The following RABEP1 variants were observed in gnomAD, a reference collection of about 807,000 sequenced individuals.
The protein encoded by RABEP1 is rabaptin, RAB GTPase binding effector protein 1, also known as rab GTPase-binding effector protein 1.
Under a neutral mutation model 123.4 loss-of-function variants are expected in RABEP1, and 51 were observed. That is an observed-to-expected ratio of 0.41 (90% confidence interval 0.33 to 0.52). The LOEUF (loss-of-function observed/expected upper bound fraction) is 0.52, where lower values mean the gene tolerates loss of function less well. Ranked by LOEUF, RABEP1 falls within the 20% of genes least tolerant of loss-of-function variation. The pLI is 0.16. For missense variants in RABEP1, 888 were observed against 996.3 expected (o/e 0.89, Z 1.46); for synonymous variants, 347 against 355.2 (o/e 0.98, Z 0.26).
intron 15 of RABEP1, among the ~76,000 whole-genome samples, chr17:5,379,560 T>C (rs1911281116): frequency 6.6e-6 from 1 of 152,180 alleles, no homozygotes; most frequent in Non-Finnish European, 1.5e-5. Context: ...TGCTGCAGTC[T>C]GCCTCCTGCC....
At chr17:5,367,437 A>C (rs920303819) in intron 11 of RABEP1, among the ~76,000 whole-genome samples, 8 of 151,734 alleles carry the variant, frequency 5.3e-5, no homozygotes, top group East Asian at 2.0e-4. Context: ...ACGCCCGGCT[A>C]ATTTTTTATT....
chr17:5,336,406 A>T (rs1238589461), intron 4 of RABEP1: 1 of 454,144 alleles, frequency 2.2e-6, no homozygotes, highest in Non-Finnish European at 4.3e-6. Context: ...AGCCTCTATC[A>T]ATTTATTCTT....
chr17:5,372,846 C>T (rs531025089), intron 12 of RABEP1, among the ~76,000 whole-genome samples: 3 of 152,178 alleles, frequency 2.0e-5, no homozygotes, highest in African/African-American at 7.2e-5. Flanking sequence ...ACCTCCGCCT[C>T]CTGGGTTCAA....
intron 1 of RABEP1, among the ~76,000 whole-genome samples, chr17:5,297,318 A>C (rs1049608633): frequency 7.9e-5 from 12 of 152,208 alleles, no homozygotes; most frequent in African/African-American, 2.9e-4. Flanking sequence ...CTTTATTGTA[A>C]AGGAAAATAA....
intron 12 of RABEP1, among the ~76,000 whole-genome samples, chr17:5,372,351 A>G (rs1304502593): frequency 1.3e-5 from 2 of 152,150 alleles, no homozygotes; most frequent in East Asian, 3.9e-4. Context: ...AGGCTGAGGC[A>G]GGAGAATCAC....
chr17:5,384,131 TC>T lies in RABEP1; in HGVS notation c.*909del. ...TTACGTACTACTTGTTTCAAATGTG[TC>T]AAATACAAAAATGGTAACTAGGTTG... On this transcript the variant is annotated 3_prime_UTR_variant, in exon 18 of 18. Transcript: ENST00000537505. The T allele has an allele frequency of 4.7e-6, 1 of 214,530 alleles. No homozygotes were observed. Among genetic ancestry groups the T allele is most frequent in the East Asian group, 7.1e-5 (1 of 14,170 alleles). The allele number at this position is 214,530 out of a possible 1,614,324, so 13.3% of individuals were successfully genotyped here. A position where few individuals can be genotyped will look rare whatever the true frequency, so the allele number is the denominator to read the frequency against.
intron 8 of RABEP1, among the ~76,000 whole-genome samples, chr17:5,355,644 C>G (rs991802772): frequency 3.3e-5 from 5 of 152,116 alleles, no homozygotes; most frequent in African/African-American, 7.2e-5. Flanking sequence ...CAGGTCTTGT[C>G]TTTACTTTCA....
At chr17:5,356,501 A>G (rs957884431) in intron 8 of RABEP1, 1 of 172,448 alleles carries the variant, frequency 5.8e-6, no homozygotes, top group Non-Finnish European at 1.3e-5. Context: ...AAATTTGGGA[A>G]GTATAGAAAA....
In RABEP1 at chr17:5,354,331, C is replaced by A; in HGVS notation, c.964-28C>A. ...CACTTATTAAGTAGGTTACTTGGGT[C>A]ATATATATGTTTTTTTCTTCCTTTT... is the stretch of plus-strand genomic sequence containing the variant. On this transcript the variant is annotated intron_variant, in intron 7 of 17. Coordinates refer to ENST00000537505, the MANE Select transcript of RABEP1 (RefSeq NM_004703.6). The A allele has an allele frequency of 2.5e-6, 4 of 1,584,064 alleles. No individual in the cohort carries two copies. In the South Asian group the frequency reaches 3.5e-5, roughly 14 times the overall value.
chr17:5,295,772 T>A (rs2075077842), intron 1 of RABEP1, among the ~76,000 whole-genome samples: 4 of 152,216 alleles, frequency 2.6e-5, no homozygotes, highest in African/African-American at 9.6e-5. Flanking sequence ...TAAATTTGGT[T>A]CAGCTGCTCA....
At chr17:5,316,383 G>C (rs1171812686) in intron 2 of RABEP1, among the ~76,000 whole-genome samples, 5 of 143,366 alleles carry the variant, frequency 3.5e-5, no homozygotes, top group African/African-American at 1.3e-4. Context: ...CCGGGAGGTG[G>C]AGGTTGCAGT....
chr17:5,310,346 C>T (rs1467070047), intron 2 of RABEP1, among the ~76,000 whole-genome samples: 1 of 129,296 alleles, frequency 7.7e-6, no homozygotes, highest in South Asian at 2.6e-4. Flanking sequence ...CCGACATCTT[C>T]CCCTGTCACG....
At position 5,385,767 on chromosome 17, in the gene RABEP1, C is replaced by T. The variant is rs1255765529; in HGVS notation, c.*2544C>T. 4.3e-6 allele frequency: 1 copy of T among 233,728 alleles called. No individual in the cohort carries two copies. The highest frequency in any genetic ancestry group is 8.4e-6 in the Non-Finnish European group (1 of 118,754). 14.5% of individuals were successfully genotyped at this position (233,728 alleles called of 1,614,324 possible). A position where few individuals can be genotyped will look rare whatever the true frequency, so the allele number is the denominator to read the frequency against. Reference sequence around the variant, plus strand: ...TTTGTTAACTGTACTGAAGGTGTGTCCTCAAGAAGAAAGTGTTCAAATTAA... The same window carrying T: ...TTTGTTAACTGTACTGAAGGTGTGTTCTCAAGAAGAAAGTGTTCAAATTAA... On this transcript the variant is annotated 3_prime_UTR_variant, in exon 18 of 18. Coordinates refer to ENST00000537505, the MANE Select transcript of RABEP1 (RefSeq NM_004703.6).
At chr17:5,317,839 AGG>A (rs1567878551) in intron 2 of RABEP1, among the ~76,000 whole-genome samples, 2 of 152,194 alleles carry the variant, frequency 1.3e-5, no homozygotes, top group East Asian at 3.9e-4. Context: ...CTCCAGGGAG[AGG>A]AGAGGAGCTA....
chr17:5,285,305 T>C (rs956194164), intron 1 of RABEP1, among the ~76,000 whole-genome samples: 10 of 151,902 alleles, frequency 6.6e-5, no homozygotes, highest in South Asian at 2.1e-4. Flanking sequence ...TTCTTTTTTT[T>C]TTTTTTCTTT....
rs138753284 is a variant in RABEP1, at chr17:5,352,278, C to T, written c.963+1649C>T. ...CACAATCTTGGCTCACTGCAACCTC[C>T]GCCTCCCAGGCTCAAGTGATTCTTC... On this transcript the variant is annotated intron_variant, in intron 7 of 17. Transcript: ENST00000537505. 6.2e-3 allele frequency among the ~76,000 whole-genome samples: 949 copies of T among 151,928 alleles called. 10 individuals are homozygous for T. Among genetic ancestry groups the T allele is most frequent in the African/African-American group, 0.022 (897 of 41,474 alleles).
At position 5,335,109 on chromosome 17, in the gene RABEP1, T is replaced by A; in HGVS notation, c.368-75T>A. On this transcript the variant is annotated intron_variant, in intron 3 of 17. Transcript: ENST00000537505. Reference sequence around the variant, plus strand: ...ATTAGACGTAAGCTTTTTATATAACTTTAAAAAATTTAGTGTGCCAGGTTA... The same window carrying A: ...ATTAGACGTAAGCTTTTTATATAACATTAAAAAATTTAGTGTGCCAGGTTA... 3.8e-6 allele frequency: 5 copies of A among 1,323,260 alleles called. No homozygotes were observed. The South Asian group carries it at 6.2e-5, about 16-fold the overall frequency. 82.0% of individuals were successfully genotyped at this position (1,323,260 alleles called of 1,614,324 possible).
At chr17:5,309,654 CAAA>C (rs111398404) in intron 2 of RABEP1, among the ~76,000 whole-genome samples, 6 of 68,286 alleles carry the variant, frequency 8.8e-5, no homozygotes, top group East Asian at 4.1e-4. Flanking sequence ...ACTCCCATCT[CAAA>C]AAAAAAAAAA....
At chr17:5,330,763 C>A (rs1057037154) in intron 2 of RABEP1, among the ~76,000 whole-genome samples, 1 of 152,058 alleles carries the variant, frequency 6.6e-6, no homozygotes, top group African/African-American at 2.4e-5. Flanking sequence ...TGGCTCACAC[C>A]TGTAATCCCA....
Sources: allele counts gnomAD v4.1 joint callset (sites outside exome capture counted in the v4.1 genomes callset), GRCh38; gene constraint gnomAD v4.1.1; transcripts MANE v1.5; gene names NCBI Gene and HGNC (gene_info 2026-07-23, HGNC 2026-07-21).